Variants in NCAPH observed in about 807,000 individuals in gnomAD.
NCAPH encodes the protein non-SMC condensin I complex subunit H.
In NCAPH, 38 loss-of-function variants were observed where a neutral mutation model predicts 85.5. That is an observed-to-expected ratio of 0.44 (90% CI 0.34 to 0.58). NCAPH has a LOEUF of 0.58. Ranked by LOEUF, NCAPH falls within the 20% of genes least tolerant of loss-of-function variation. NCAPH has a pLI of 0.01. For synonymous variants in NCAPH, 301 were observed against 335.1 expected (o/e 0.90, Z 1.11); for missense variants, 789 against 916.6 (o/e 0.86, Z 1.80).
intron 6 of NCAPH, among the ~76,000 whole-genome samples, chr2:96,346,437 G>T (rs185253713): frequency 6.6e-6 from 1 of 152,286 alleles, no homozygotes; most frequent in East Asian, 1.9e-4. Flanking sequence ...GTGAATAGCT[G>T]TGTGGGTACA....
At chr2:96,371,118 A>AC (rs1386411013) in intron 17 of NCAPH, among the ~76,000 whole-genome samples, 1 of 152,226 alleles carries the variant, frequency 6.6e-6, no homozygotes, top group Non-Finnish European at 1.5e-5. Flanking sequence ...CAAGAAATCT[A>AC]CAAGTGGCTC....
In NCAPH at chr2:96,341,727, G is replaced by A. The variant is rs908211257; in HGVS notation, c.105G>A (p.Pro35=). The part of the protein sequence containing the change: ...SASSPSERVF[P]MPLPRKAPLN... ...CCTCTCCTTCAGAGCGTGTGTTCCC[G>A]ATGCCCCTGCCCAGGAAGGCGCCTC... The change falls in exon 2 of 18, where the codon CCG becomes CCA. Residue 35 remains proline, a synonymous_variant. Coordinates refer to ENST00000240423, the MANE Select transcript of NCAPH (RefSeq NM_015341.5). 1.7e-5 allele frequency: 27 copies of A among 1,614,052 alleles called. No individual in the cohort carries two copies. The highest frequency in any genetic ancestry group is 2.0e-5 in the Non-Finnish European group (24 of 1,180,048).
chr2:96,371,060 T>G (rs186628933), intron 17 of NCAPH, among the ~76,000 whole-genome samples: 1 of 152,194 alleles, frequency 6.6e-6, no homozygotes, highest in Admixed American at 6.5e-5. Flanking sequence ...GCAAACTATA[T>G]GAAGAATGAC....
At position 96,359,013 on chromosome 2, in the gene NCAPH, G is replaced by A. The variant is rs1326585395; in HGVS notation, c.1209-32G>A. ...ATGTAAATACAGCATTATAATATAT[G>A]TATTGTACATGTACAAATATGTGTG... On this transcript the variant is annotated intron_variant, in intron 9 of 17. Coordinates refer to ENST00000240423, the MANE Select transcript of NCAPH (RefSeq NM_015341.5). The A allele has an allele frequency of 2.5e-6, 4 of 1,605,894 alleles. No homozygotes were observed. The African/African-American group carries it at 5.4e-5, about 21-fold the overall frequency.
chr2:96,339,552 C>T (rs1411197890), intron 1 of NCAPH, among the ~76,000 whole-genome samples: 1 of 149,574 alleles, frequency 6.7e-6, no homozygotes, highest in Non-Finnish European at 1.5e-5. Flanking sequence ...GATCCCGTCA[C>T]TGCACTCCAG....
intron 1 of NCAPH, 103 bp from the exon 2 acceptor site, chr2:96,341,539 T>C: frequency 7.1e-7 from 1 of 1,408,622 alleles, no homozygotes. Flanking sequence ...AAGATCTCAG[T>C]GGACAGTGTG....
At chr2:96,345,255 G>T (rs181927230) in intron 6 of NCAPH, among the ~76,000 whole-genome samples, 56 of 152,314 alleles carry the variant, frequency 3.7e-4, no homozygotes, top group Non-Finnish European at 7.9e-4. Context: ...AATGAGCTTG[G>T]AGTGGGGGCC....
chr2:96,371,608 C>T (rs949988818), intron 17 of NCAPH, among the ~76,000 whole-genome samples: 1 of 152,126 alleles, frequency 6.6e-6, no homozygotes, highest in African/African-American at 2.4e-5. Flanking sequence ...TTTTAAGGGT[C>T]CCAGAGCTCT....
rs751747267 is a variant in NCAPH at position 96,360,275 on chromosome 2, TGC to T, written c.1464+27_1464+28del. On this transcript the variant is annotated intron_variant, in intron 11 of 17. Coordinates refer to ENST00000240423, the MANE Select transcript of NCAPH (RefSeq NM_015341.5). Reference sequence around the variant, plus strand: ...GTTTGTACTGAATTTATTAGGATTGTGCTTACTCGTTTTTCCCTTTCAGATGT... The same window carrying T: ...GTTTGTACTGAATTTATTAGGATTGTTTACTCGTTTTTCCCTTTCAGATGT... 1.0e-5 allele frequency: 13 copies of T among 1,255,512 alleles called. 1 individual carries two copies. In the South Asian group the frequency reaches 1.7e-4, roughly 16 times the overall value. The allele number at this position is 1,255,512 out of a possible 1,614,324, so 77.8% of individuals were successfully genotyped here. A position where few individuals can be genotyped will look rare whatever the true frequency, so the allele number is the denominator to read the frequency against.
At chr2:96,369,609 A>G in intron 17 of NCAPH, 109 bp downstream of exon 17, 1 of 1,174,168 alleles carries the variant, frequency 8.5e-7, no homozygotes, top group Non-Finnish European at 1.3e-6. Context: ...TCTTAAATAC[A>G]GTGACTTATG....
Position 96,360,284 on chromosome 2 carries a change from GT to G in NCAPH, c.1464+40del, listed in dbSNP as rs1374875851. On this transcript the variant is annotated intron_variant, in intron 11 of 17. Transcript: ENST00000240423. ...GAATTTATTAGGATTGTGCTTACTC[GT>G]TTTTCCCTTTCAGATGTGATTTTTT... 2.5e-6 allele frequency: 3 copies of G among 1,193,718 alleles called. No homozygotes were observed. In the African/African-American group the frequency reaches 4.6e-5, roughly 18 times the overall value. 73.9% of individuals were successfully genotyped at this position (1,193,718 alleles called of 1,614,324 possible). A position where few individuals can be genotyped will look rare whatever the true frequency, so the allele number is the denominator to read the frequency against.
rs191223600 is a variant in NCAPH at position 96,371,097 on chromosome 2, C to A, written c.2166+1597C>A. Among the ~76,000 whole-genome samples, 50 of 152,290 alleles carry A rather than the reference C, an allele frequency of 3.3e-4. 1 individual carries two copies. Among genetic ancestry groups the A allele is most frequent in the Admixed American group, 2.4e-3 (36 of 15,290 alleles). On this transcript the variant is annotated intron_variant, in intron 17 of 17. Coordinates refer to ENST00000240423, the MANE Select transcript of NCAPH (RefSeq NM_015341.5). ...AAGAAAATAAAAAATAAATTATTAT[C>A]ATTGTTCTGACAAGAAATCTACAAG...
intron 9 of NCAPH, 111 bp from the exon 10 acceptor site, chr2:96,358,934 G>A: frequency 2.0e-6 from 2 of 1,013,860 alleles, no homozygotes; most frequent in Non-Finnish European, 2.8e-6. Context: ...TAATAATGAA[G>A]TTATTTGTAT....
intron 5 of NCAPH, among the ~76,000 whole-genome samples, 158 bp from the exon 6 acceptor site, chr2:96,343,947 C>T (rs2064329736): frequency 1.3e-5 from 2 of 152,178 alleles, no homozygotes; most frequent in African/African-American, 4.8e-5. Context: ...AGTGATCCGT[C>T]TGCCTCAGCC....
intron 9 of NCAPH, among the ~76,000 whole-genome samples, chr2:96,356,056 G>C (rs2064520518): frequency 6.6e-6 from 1 of 152,234 alleles, no homozygotes; most frequent in Non-Finnish European, 1.5e-5. Context: ...CTGAGGGACT[G>C]ACAATAACAA....
chr2:96,360,837 C>A, intron 12 of NCAPH, 127 bp downstream of exon 12: 2 of 1,228,182 alleles, frequency 1.6e-6, no homozygotes, highest in Non-Finnish European at 2.3e-6. Context: ...AAGCGTGTTG[C>A]CAGGAAATCA....
intron 13 of NCAPH, among the ~76,000 whole-genome samples, chr2:96,364,843 C>T (rs1008093732): frequency 1.4e-4 from 22 of 152,150 alleles, no homozygotes; most frequent in Admixed American, 1.4e-3. Flanking sequence ...GTGAATGCGT[C>T]GACATGTGGA....
chr2:96,358,400 C>T (rs2064552793), intron 9 of NCAPH, among the ~76,000 whole-genome samples: 1 of 152,220 alleles, frequency 6.6e-6, no homozygotes, highest in South Asian at 2.1e-4. Context: ...GACCCCGAGG[C>T]TGGGATTAAG....
At position 96,373,347 on chromosome 2, in the gene NCAPH, A is replaced by G. The variant is rs959510895; in HGVS notation, c.2222A>G (p.Asp741Gly). 1.2e-6 allele frequency: 2 copies of G among 1,613,664 alleles called. No individual in the cohort carries two copies. Among genetic ancestry groups the G allele is most frequent in the Non-Finnish European group, 1.7e-6 (2 of 1,179,802 alleles). The change falls in exon 18 of 18, where the codon GAT becomes GGT. Residue 741 changes from aspartate to glycine, a missense_variant. Asp to Gly is a moderately conservative substitution (Grantham distance 94). Transcript: ENST00000240423. ...DLSDVLVRQGD is the reference protein window; with the variant it reads ...DLSDVLVRQGG Reference sequence around the variant, plus strand: ...TCTGATGTTCTTGTGAGGCAAGGAGATTGAGTTCACTATGGAGAAGTCAGC... The same window carrying G: ...TCTGATGTTCTTGTGAGGCAAGGAGGTTGAGTTCACTATGGAGAAGTCAGC...
Sources: gnomAD v4.1 joint callset for allele counts (sites outside exome capture counted in the v4.1 genomes callset) on GRCh38, gnomAD v4.1.1 for gene constraint, MANE v1.5 for transcripts, NCBI Gene and HGNC (gene_info 2026-07-23, HGNC 2026-07-21) for gene names.